The following NBEA variants were observed in gnomAD, a reference collection of about 807,000 sequenced individuals.
NBEA encodes the protein neurobeachin.
Under a neutral mutation model 343.4 loss-of-function variants are expected in NBEA, and 44 were observed. The observed-to-expected ratio is 0.13, with a 90% CI of 0.10 to 0.16. The LOEUF (loss-of-function observed/expected upper bound fraction) is 0.16. NBEA is among the 10% of genes least tolerant of loss of function. The pLI is 1.00. For missense variants in NBEA, 2,555 were observed against 3,631.3 expected (o/e 0.70, Z 7.62); for synonymous variants, 1,175 against 1,238.7 (o/e 0.95, Z 1.08).
At chr13:35,106,419 T>G (rs2065921173) in intron 11 of NBEA, among the ~76,000 whole-genome samples, 1 of 152,080 alleles carries the variant, frequency 6.6e-6, no homozygotes, top group South Asian at 2.1e-4. Flanking sequence ...TGTTTTTGAA[T>G]TTGACATTAA....
At chr13:35,006,025 A>T (rs2061306012) in intron 1 of NBEA, among the ~76,000 whole-genome samples, 1 of 152,088 alleles carries the variant, frequency 6.6e-6, no homozygotes, top group Non-Finnish European at 1.5e-5. Flanking sequence ...TCTTTTGTTT[A>T]AAAAAAGTAT....
chr13:35,219,131 T>C (rs989481387), intron 33 of NBEA, among the ~76,000 whole-genome samples: 2 of 152,122 alleles, frequency 1.3e-5, no homozygotes, highest in East Asian at 1.9e-4. Context: ...TCTGTAGTAA[T>C]GTCCCTTCTT....
chr13:35,069,727 A>C (rs1486227681), intron 8 of NBEA, among the ~76,000 whole-genome samples, 181 bp from the exon 9 acceptor site: 2 of 152,158 alleles, frequency 1.3e-5, no homozygotes, highest in Non-Finnish European at 2.9e-5. Flanking sequence ...TATTGGCATA[A>C]TAAAACTTAA....
intron 29 of NBEA, among the ~76,000 whole-genome samples, chr13:35,183,717 G>T (rs772342728): frequency 4.6e-5 from 7 of 151,806 alleles, no homozygotes; most frequent in Non-Finnish European, 1.0e-4. Context: ...TGTACAAAAA[G>T]TAATAGTATA....
In NBEA at chr13:35,550,609, T is replaced by G; in HGVS notation, c.6703+15T>G. The G allele has an allele frequency of 6.6e-7, 1 of 1,506,342 alleles. No individual in the cohort carries two copies. The highest frequency in any genetic ancestry group is 9.2e-7 in the Non-Finnish European group (1 of 1,085,284). 93.3% of individuals were successfully genotyped at this position (1,506,342 alleles called of 1,614,324 possible). ...GGCAAACCGAAGTAAGTCCCCTTAA[T>G]ATTTTGAAAGAAAATGTGCTCATAT... On this transcript the variant is annotated intron_variant, in intron 42 of 58. Transcript: ENST00000379939.
chr13:35,101,845 T>G (rs2065661973), intron 11 of NBEA, among the ~76,000 whole-genome samples: 1 of 151,866 alleles, frequency 6.6e-6, no homozygotes. Context: ...CACTGCAAAT[T>G]ATCTCTTCTT....
intron 33 of NBEA, among the ~76,000 whole-genome samples, chr13:35,217,478 A>G (rs546840917): frequency 6.6e-6 from 1 of 152,076 alleles, no homozygotes; most frequent in South Asian, 2.1e-4. Context: ...TGTATTTTCT[A>G]TAAAGTTTTG....
chr13:35,500,871 T>C (rs993124250), intron 41 of NBEA, among the ~76,000 whole-genome samples: 1 of 152,096 alleles, frequency 6.6e-6, no homozygotes, highest in Non-Finnish European at 1.5e-5. Context: ...CAGAATTGTG[T>C]TACGTAGAAT....
chr13:34,955,401 A>G (rs2059460717), intron 1 of NBEA, among the ~76,000 whole-genome samples: 1 of 152,178 alleles, frequency 6.6e-6, no homozygotes, highest in South Asian at 2.1e-4. Flanking sequence ...CAGATAAATT[A>G]TAATGGATGA....
At chr13:35,383,667 C>T (rs73502727) in intron 38 of NBEA, among the ~76,000 whole-genome samples, 1,847 of 152,078 alleles carry the variant, frequency 0.012, 47 homozygotes, top group African/African-American at 0.043. Context: ...ACAGTCACTA[C>T]ACAGGATCTA....
chr13:35,250,095 T>G (rs974724842), intron 34 of NBEA, among the ~76,000 whole-genome samples: 12 of 152,160 alleles, frequency 7.9e-5, no homozygotes, highest in Admixed American at 5.9e-4. Context: ...AGGAGTTGTT[T>G]AATGGGGTAT....
At chr13:35,136,466 A>T (rs2067734747) in intron 17 of NBEA, among the ~76,000 whole-genome samples, 1 of 152,206 alleles carries the variant, frequency 6.6e-6, no homozygotes, top group Non-Finnish European at 1.5e-5. Context: ...TGGAAATGAG[A>T]TATAGTCCCT....
At chr13:35,147,525 A>G (rs61582496) in intron 18 of NBEA, among the ~76,000 whole-genome samples, 4,296 of 152,090 alleles carry the variant, frequency 0.028, 92 homozygotes, top group South Asian at 0.074. Context: ...TTGGTAGGGA[A>G]GGTTATATAG....
chr13:35,574,751 C>G (rs11147570), intron 45 of NBEA, among the ~76,000 whole-genome samples: 1 of 151,092 alleles, frequency 6.6e-6, no homozygotes, highest in Non-Finnish European at 1.5e-5. Flanking sequence ...AATAAAGTGC[C>G]AATAGATTTT....
chr13:35,375,873 T>C (rs948775692), intron 38 of NBEA, among the ~76,000 whole-genome samples: 5 of 152,188 alleles, frequency 3.3e-5, no homozygotes, highest in African/African-American at 1.2e-4. Context: ...TGAATTAATA[T>C]GACTGTTATT....
At chr13:35,240,616 GA>G (rs1279626208) in intron 34 of NBEA, among the ~76,000 whole-genome samples, 5 of 151,788 alleles carry the variant, frequency 3.3e-5, no homozygotes, top group Non-Finnish European at 7.4e-5. Flanking sequence ...ATTACATGGG[GA>G]AAAGAGATAT....
chr13:35,304,214 T>TA (rs2036733068), intron 35 of NBEA, among the ~76,000 whole-genome samples: 1 of 152,038 alleles, frequency 6.6e-6, no homozygotes, highest in South Asian at 2.1e-4. Context: ...GGTAGAAAAC[T>TA]AAAAAAAGAG....
At chr13:35,625,557 G>A (rs527423785) in intron 48 of NBEA, among the ~76,000 whole-genome samples, 12 of 152,134 alleles carry the variant, frequency 7.9e-5, no homozygotes, top group African/African-American at 2.4e-4. Context: ...CCCAGGAGAC[G>A]GAGGTTGTAG....
chr13:35,631,057 T>C (rs1363299441), intron 49 of NBEA, among the ~76,000 whole-genome samples: 1 of 152,174 alleles, frequency 6.6e-6, no homozygotes, highest in African/African-American at 2.4e-5. Context: ...ATGTGAGGAA[T>C]AGTGTCCTCC....
Sources: allele counts gnomAD v4.1 joint callset (sites outside exome capture counted in the v4.1 genomes callset), GRCh38; gene constraint gnomAD v4.1.1; transcripts MANE v1.5; gene names NCBI Gene and HGNC (gene_info 2026-07-23, HGNC 2026-07-21).